The following ITPKB variants were observed in gnomAD, a reference collection of about 807,000 sequenced individuals.
ITPKB encodes the protein inositol-trisphosphate 3-kinase B.
A neutral mutation model predicts 69.4 loss-of-function variants in ITPKB; 13 were observed. That is an observed-to-expected ratio of 0.19 (90% CI 0.12 to 0.30). The LOEUF is 0.30. Among genes scored for constraint, ITPKB ranks in the 10% least tolerant of loss-of-function variants. The probability of loss-of-function intolerance (pLI) is 1.00; values close to 1 mark genes in which losing one functional copy is unlikely to be tolerated. For synonymous variants in ITPKB, 584 were observed against 513.7 expected (o/e 1.14, Z -1.85); for missense variants, 1,240 against 1,250.5 (o/e 0.99, Z 0.13).
chr1:226,713,216 C>T (rs946562818), intron 2 of ITPKB, among the ~76,000 whole-genome samples: 3 of 152,072 alleles, frequency 2.0e-5, no homozygotes, highest in Non-Finnish European at 4.4e-5. Flanking sequence ...AATGCCCCCG[C>T]CCCCGGTTCC....
chr1:226,670,400 A>G (rs1669591724), intron 2 of ITPKB, among the ~76,000 whole-genome samples: 1 of 152,172 alleles, frequency 6.6e-6, no homozygotes, highest in Non-Finnish European at 1.5e-5. Flanking sequence ...AAATACTCCA[A>G]AAAACGGAAA....
intron 2 of ITPKB, among the ~76,000 whole-genome samples, chr1:226,686,893 A>G (rs918642544): frequency 4.6e-5 from 7 of 152,248 alleles, no homozygotes; most frequent in Non-Finnish European, 8.8e-5. Context: ...AACTGGAGGT[A>G]GAGAAAAACG....
At chr1:226,678,739 C>T (rs187432143) in intron 2 of ITPKB, among the ~76,000 whole-genome samples, 10 of 152,252 alleles carry the variant, frequency 6.6e-5, no homozygotes, top group Admixed American at 5.9e-4. Flanking sequence ...TGGGATAAGG[C>T]TTTGGTGAGC....
intron 2 of ITPKB, among the ~76,000 whole-genome samples, chr1:226,712,390 C>G (rs1275421021): frequency 2.0e-5 from 3 of 152,220 alleles, no homozygotes; most frequent in African/African-American, 7.2e-5. Flanking sequence ...AGTGGGTGTT[C>G]ATAGCTACTC....
chr1:226,643,464 T>C (rs961227893), intron 4 of ITPKB, among the ~76,000 whole-genome samples: 3 of 152,170 alleles, frequency 2.0e-5, no homozygotes, highest in African/African-American at 2.4e-5. Context: ...GGGCGGGAGC[T>C]GCCCACAGAG....
intron 2 of ITPKB, among the ~76,000 whole-genome samples, chr1:226,657,590 A>G (rs1669320588): frequency 6.6e-6 from 1 of 152,200 alleles, no homozygotes; most frequent in Non-Finnish European, 1.5e-5. Context: ...TTGCCAGCCG[A>G]ACTCTGCTGC....
intron 2 of ITPKB, among the ~76,000 whole-genome samples, chr1:226,684,560 G>A (rs186818115): frequency 9.9e-5 from 15 of 152,202 alleles, no homozygotes; most frequent in African/African-American, 3.4e-4. Context: ...TTCTAGAACT[G>A]GGGTCTCTTA....
intron 2 of ITPKB, among the ~76,000 whole-genome samples, chr1:226,686,191 G>T (rs760696692): frequency 2.8e-4 from 42 of 152,332 alleles, no homozygotes; most frequent in Non-Finnish European, 5.3e-4. Context: ...TGAGGCCATG[G>T]GGGTGGATGG....
At chr1:226,709,395 T>C (rs1228667634) in intron 2 of ITPKB, among the ~76,000 whole-genome samples, 1 of 152,156 alleles carries the variant, frequency 6.6e-6, no homozygotes, top group African/African-American at 2.4e-5. Flanking sequence ...GGATGTCCAG[T>C]GTCTGGCCTC....
chr1:226,635,224 T>C (rs1257768713), intron 7 of ITPKB, among the ~76,000 whole-genome samples: 1 of 151,886 alleles, frequency 6.6e-6, no homozygotes, highest in Non-Finnish European at 1.5e-5. Flanking sequence ...CTTTCTTCCC[T>C]TCCTTCCTTC....
chr1:226,733,721 C>A (rs377038451), intron 2 of ITPKB, among the ~76,000 whole-genome samples: 1 of 152,146 alleles, frequency 6.6e-6, no homozygotes, highest in Non-Finnish European at 1.5e-5. Flanking sequence ...AGGCTGGCCT[C>A]GTTTCTACCT....
intron 2 of ITPKB, among the ~76,000 whole-genome samples, chr1:226,734,977 A>AGGC (rs1265499634): frequency 3.3e-5 from 5 of 152,256 alleles, no homozygotes; most frequent in African/African-American, 4.8e-5. Flanking sequence ...ACTGAGGCTC[A>AGGC]GTGATTCCTC....
At chr1:226,715,700 G>A (rs1012275583) in intron 2 of ITPKB, among the ~76,000 whole-genome samples, 11 of 152,136 alleles carry the variant, frequency 7.2e-5, no homozygotes, top group South Asian at 4.1e-4. Flanking sequence ...CCCATTCAAC[G>A]TCAATTTTCT....
intron 2 of ITPKB, among the ~76,000 whole-genome samples, chr1:226,663,405 C>T (rs1011816954): frequency 1.3e-5 from 2 of 152,220 alleles, no homozygotes; most frequent in Non-Finnish European, 2.9e-5. Context: ...GAAGCCTGCA[C>T]GCCCTACTGC....
rs899117416 is a variant in ITPKB, at chr1:226,660,596, C to T, written c.1933-11825G>A. ...ATAATGAAGGGCTAGAGGAGAGAGG[C>T]GAGAGAGGAAGAAGGCACAGGAAAT... On this transcript the variant is annotated intron_variant, in intron 2 of 7. Coordinates refer to ENST00000429204, the MANE Select transcript of ITPKB (RefSeq NM_002221.4). 4.6e-5 allele frequency among the ~76,000 whole-genome samples: 7 copies of T among 152,236 alleles called. No individual in the cohort carries two copies. The East Asian group carries it at 9.7e-4, about 21-fold the overall frequency.
In ITPKB at chr1:226,739,183, AAG is replaced by A. The variant is rs1292345901; in HGVS notation, c.-350_-349del. On this transcript the variant is annotated 5_prime_UTR_variant, in exon 1 of 8. Coordinates refer to ENST00000429204, the MANE Select transcript of ITPKB (RefSeq NM_002221.4). ...TGGAAGACAAAAAAGAGGAGTGCGA[AAG>A]AGGGGGGAAAGCTCTTCGGTTCAGG... 3.9e-5 allele frequency: 6 copies of A among 152,286 alleles called. No homozygotes were observed. The East Asian group carries it at 9.7e-4, about 25-fold the overall frequency. The allele number at this position is 152,286 out of a possible 1,614,324, so 9.4% of individuals were successfully genotyped here.
At chr1:226,684,202 A>G (rs928091838) in intron 2 of ITPKB, among the ~76,000 whole-genome samples, 1 of 152,228 alleles carries the variant, frequency 6.6e-6, no homozygotes, top group African/African-American at 2.4e-5. Flanking sequence ...AAATGGCACC[A>G]GTCCAGGTGT....
intron 3 of ITPKB, among the ~76,000 whole-genome samples, chr1:226,648,154 C>T (rs1480614805): frequency 6.6e-6 from 1 of 152,234 alleles, no homozygotes; most frequent in Non-Finnish European, 1.5e-5. Flanking sequence ...CACCGCACAC[C>T]GCCCTGCAGT....
At position 226,696,339 on chromosome 1, in the gene ITPKB, G is replaced by A. The variant is rs568243538; in HGVS notation, c.1932+39188C>T. On this transcript the variant is annotated intron_variant, in intron 2 of 7. Transcript: ENST00000429204. ...TCTACGTGTGTGTGTGTGTGTGTGT[G>A]TATATGTATCTCTCTCTCAACACAG... Among the ~76,000 whole-genome samples, 46 of 151,868 alleles carry A rather than the reference G, an allele frequency of 3.0e-4. No homozygotes were observed. In the South Asian group the frequency reaches 8.3e-3, roughly 28 times the overall value.
Sources: allele counts gnomAD v4.1 joint callset (sites outside exome capture counted in the v4.1 genomes callset), GRCh38; gene constraint gnomAD v4.1.1; transcripts MANE v1.5; gene names NCBI Gene and HGNC (gene_info 2026-07-23, HGNC 2026-07-21).